RUNDC3B: variants seen among roughly 807,000 people sequenced by gnomAD.
The protein encoded by RUNDC3B is RUN domain-containing protein 3B.
RUNDC3B carries 33 observed loss-of-function variants against 58.4 expected under a neutral mutation model. The observed-to-expected ratio is 0.56, with a 90% CI of 0.43 to 0.75. The LOEUF (loss-of-function observed/expected upper bound fraction) is 0.75. Among genes scored for constraint, RUNDC3B ranks in the 30% least tolerant of loss-of-function variants. RUNDC3B has a pLI of 0.00. For missense variants in RUNDC3B, 501 were observed against 535.7 expected (o/e 0.94, Z 0.64); for synonymous variants, 193 against 195.2 (o/e 0.99, Z 0.10).
chr7:87,823,080 C>G (rs1051990795), intron 10 of RUNDC3B, among the ~76,000 whole-genome samples: 1 of 151,888 alleles, frequency 6.6e-6, no homozygotes, highest in Non-Finnish European at 1.5e-5. Context: ...CATGTGTAAA[C>G]AAGCTAGCTA....
chr7:87,679,399 T>A lies in RUNDC3B; in HGVS notation c.239-21022T>A, dbSNP rs531197486. Among the ~76,000 whole-genome samples, 53 of 148,854 alleles carry A rather than the reference T, an allele frequency of 3.6e-4. 4 individuals are homozygous for A. The highest frequency in any genetic ancestry group is 6.2e-4 in the Non-Finnish European group (42 of 67,494). On this transcript the variant is annotated intron_variant, in intron 2 of 10. Coordinates refer to ENST00000394654, the MANE Select transcript of RUNDC3B (RefSeq NM_001134405.2). ...TGAGCCACCGTGCCCGGCCCCCAAC[T>A]TTTTTTTAAGACAGGATCTCACCCT...
intron 8 of RUNDC3B, among the ~76,000 whole-genome samples, chr7:87,782,521 A>C (rs1834984559): frequency 6.6e-6 from 1 of 151,346 alleles, no homozygotes; most frequent in South Asian, 2.1e-4. Context: ...CTCTGGGGTT[A>C]ATTTATTTTT....
chr7:87,693,887 G>A, intron 2 of RUNDC3B: 1 of 1,601,460 alleles, frequency 6.2e-7, no homozygotes, highest in Non-Finnish European at 8.5e-7. Flanking sequence ...GTGTGTTGTT[G>A]TTGTTATTTT....
At chr7:87,673,660 T>G (rs747192709) in intron 2 of RUNDC3B, among the ~76,000 whole-genome samples, 3 of 152,250 alleles carry the variant, frequency 2.0e-5, no homozygotes, top group Non-Finnish European at 4.4e-5. Context: ...GACATTCTGT[T>G]GAATCTTGAT....
At chr7:87,653,610 A>G (rs929514522) in intron 2 of RUNDC3B, among the ~76,000 whole-genome samples, 2 of 152,140 alleles carry the variant, frequency 1.3e-5, no homozygotes, top group East Asian at 1.9e-4. Flanking sequence ...ATTCTTATGT[A>G]TATGAAACCA....
At chr7:87,739,685 AT>A (rs1344518166) in intron 4 of RUNDC3B, 105 bp from the exon 5 acceptor site, 1 of 446,412 alleles carries the variant, frequency 2.2e-6, no homozygotes, top group Admixed American at 4.0e-5. Context: ...TACAAATTAA[AT>A]AAAATTTAGC....
chr7:87,801,530 G>T (rs894846946), intron 8 of RUNDC3B, among the ~76,000 whole-genome samples: 1 of 152,058 alleles, frequency 6.6e-6, no homozygotes, highest in African/African-American at 2.4e-5. Context: ...GGCTGAGGTG[G>T]GTGGATCACT....
chr7:87,639,153 CAAAAAAAA>C (rs71117547), intron 1 of RUNDC3B, among the ~76,000 whole-genome samples: 12 of 87,734 alleles, frequency 1.4e-4, no homozygotes, highest in Non-Finnish European at 2.5e-4. Context: ...GACTCCGTCT[CAAAAAAAA>C]AAAAAAAAAA....
chr7:87,754,561 G>A (rs1833241940), intron 6 of RUNDC3B, among the ~76,000 whole-genome samples: 1 of 152,090 alleles, frequency 6.6e-6, no homozygotes, highest in Non-Finnish European at 1.5e-5. Flanking sequence ...GCACCCCAAA[G>A]CTAGCAAAAG....
chr7:87,818,282 T>C (rs1837191074), intron 10 of RUNDC3B, among the ~76,000 whole-genome samples: 1 of 152,122 alleles, frequency 6.6e-6, no homozygotes, highest in Admixed American at 6.6e-5. Context: ...TAATTCAAGG[T>C]TTAATAGCAG....
intron 4 of RUNDC3B, among the ~76,000 whole-genome samples, chr7:87,726,853 T>TGAATGG (rs1227276274): frequency 5.3e-5 from 8 of 152,206 alleles, no homozygotes; most frequent in African/African-American, 1.9e-4. Flanking sequence ...GAAGCAATTG[T>TGAATGG]GAATGGGAGT....
chr7:87,811,712 T>C (rs192934400), intron 9 of RUNDC3B, among the ~76,000 whole-genome samples: 5 of 152,298 alleles, frequency 3.3e-5, no homozygotes, highest in Admixed American at 2.0e-4. Flanking sequence ...TTCATGTCTT[T>C]CAAATATTTT....
intron 6 of RUNDC3B, among the ~76,000 whole-genome samples, chr7:87,763,278 A>C (rs1225422752): frequency 1.3e-5 from 2 of 151,676 alleles, no homozygotes; most frequent in African/African-American, 4.8e-5. Context: ...TTTATTTAAA[A>C]ATTTCTAAAG....
At chr7:87,794,747 A>C (rs930676512) in intron 8 of RUNDC3B, among the ~76,000 whole-genome samples, 2 of 152,178 alleles carry the variant, frequency 1.3e-5, no homozygotes, top group Non-Finnish European at 2.9e-5. Flanking sequence ...CTACAGAGCT[A>C]TCATAACCAA....
chr7:87,819,903 T>C (rs888353623), intron 10 of RUNDC3B, among the ~76,000 whole-genome samples: 1 of 151,242 alleles, frequency 6.6e-6, no homozygotes, highest in Non-Finnish European at 1.5e-5. Context: ...TAGAGGGAAA[T>C]TTATAGCACT....
At chr7:87,801,423 G>A (rs560761977) in intron 8 of RUNDC3B, among the ~76,000 whole-genome samples, 1 of 152,114 alleles carries the variant, frequency 6.6e-6, no homozygotes, top group South Asian at 2.1e-4. Context: ...ACTTTTATTG[G>A]GACTGTTCCA....
chr7:87,754,553 A>G (rs1385499693), intron 6 of RUNDC3B, among the ~76,000 whole-genome samples: 1 of 152,192 alleles, frequency 6.6e-6, no homozygotes, highest in African/African-American at 2.4e-5. Context: ...GAACAAATGC[A>G]CCCCAAAGCT....
At chr7:87,703,772 A>G (rs1162340749) in intron 3 of RUNDC3B, among the ~76,000 whole-genome samples, 5 of 151,604 alleles carry the variant, frequency 3.3e-5, no homozygotes, top group Non-Finnish European at 7.4e-5. Flanking sequence ...CTGTTTCCTC[A>G]AACTACTGAA....
At chr7:87,727,518 T>G (rs774945934) in intron 4 of RUNDC3B, among the ~76,000 whole-genome samples, 3 of 152,172 alleles carry the variant, frequency 2.0e-5, no homozygotes, top group Non-Finnish European at 4.4e-5. Flanking sequence ...ATTGGAGAAA[T>G]TGTTAAGTTA....
Sources: allele counts gnomAD v4.1 joint callset (sites outside exome capture counted in the v4.1 genomes callset), GRCh38; gene constraint gnomAD v4.1.1; transcripts MANE v1.5; gene names NCBI Gene and HGNC (gene_info 2026-07-23, HGNC 2026-07-21).